Variants in AAGAB observed in about 807,000 individuals in gnomAD.
AAGAB encodes alpha and gamma adaptin binding protein, also known as alpha- and gamma-adaptin-binding protein p34.
A neutral mutation model predicts 44.1 loss-of-function variants in AAGAB; 38 were observed. The observed-to-expected ratio is 0.86, with a 90% CI of 0.67 to 1.13. AAGAB has a LOEUF of 1.13. Ranked by LOEUF, AAGAB falls within the 50% of genes most tolerant of loss-of-function variation. The probability of loss-of-function intolerance (pLI) is 0.00; values close to 1 mark genes in which losing one functional copy is unlikely to be tolerated. For synonymous variants in AAGAB, 131 were observed against 131.8 expected (o/e 0.99, Z 0.04); for missense variants, 450 against 373.8 (o/e 1.20, Z -1.68).
intron 5 of AAGAB, among the ~76,000 whole-genome samples, chr15:67,212,132 T>C (rs1963837667): frequency 1.3e-5 from 2 of 152,136 alleles, no homozygotes; most frequent in African/African-American, 2.4e-5. Flanking sequence ...GCGCCCGCCT[T>C]GGCCTTCCAA....
At chr15:67,216,346 G>A (rs555418584) in intron 5 of AAGAB, among the ~76,000 whole-genome samples, 84 of 147,946 alleles carry the variant, frequency 5.7e-4, no homozygotes, top group Non-Finnish European at 1.1e-3. Flanking sequence ...GGAGGCTGAC[G>A]CAGGAGAACT....
chr15:67,225,234 C>T (rs144192707), intron 5 of AAGAB, among the ~76,000 whole-genome samples: 2 of 152,258 alleles, frequency 1.3e-5, no homozygotes, highest in Non-Finnish European at 2.9e-5. Flanking sequence ...CTCCACTGAG[C>T]CTAACTCATA....
chr15:67,238,305 T>G (rs1231394900), intron 1 of AAGAB, among the ~76,000 whole-genome samples: 2 of 152,222 alleles, frequency 1.3e-5, no homozygotes, highest in African/African-American at 2.4e-5. Context: ...ACTTAATTTC[T>G]ACCCGAAGTC....
chr15:67,252,427 G>A (rs1964891499), intron 1 of AAGAB, among the ~76,000 whole-genome samples: 1 of 152,090 alleles, frequency 6.6e-6, no homozygotes, highest in Admixed American at 6.5e-5. Context: ...TAAATCTGAG[G>A]ATAAGAACTG....
rs376857654 is a variant in AAGAB at position 67,254,627 on chromosome 15, G to A, written c.5C>T (p.Ala2Val). The A allele has an allele frequency of 3.1e-6, 5 of 1,598,616 alleles. No homozygotes were observed. The highest frequency in any genetic ancestry group is 1.7e-5 in the Admixed American group (1 of 57,602). M[A>V]AGVPCALVTS... Reference sequence around the variant, plus strand: ...GACTAACGCACAGGGTACGCCAGCAGCCATAGCTGCGCTCGCGAGCCGGTT... The same window carrying A: ...GACTAACGCACAGGGTACGCCAGCAACCATAGCTGCGCTCGCGAGCCGGTT... The change falls in exon 1 of 10, where the codon GCT becomes GTT. Residue 2 changes from alanine (A) to valine (V), a missense_variant. By Grantham distance (64) the Ala-to-Val change is moderately conservative. Transcript: ENST00000261880.
intron 5 of AAGAB, among the ~76,000 whole-genome samples, chr15:67,228,526 G>A (rs1485708128): frequency 2.0e-5 from 3 of 152,158 alleles, no homozygotes; most frequent in African/African-American, 7.2e-5. Flanking sequence ...ACTGCTGGTG[G>A]GACTGTAAAT....
upstream of AAGAB, chr15:67,254,757 G>GC: frequency 2.3e-6 from 3 of 1,321,556 alleles, no homozygotes; most frequent in Non-Finnish European, 3.2e-6. Context: ...GCCTGACCCC[G>GC]CCCCTAGACC....
chr15:67,230,582 C>A (rs1964312081), intron 5 of AAGAB, among the ~76,000 whole-genome samples: 1 of 152,168 alleles, frequency 6.6e-6, no homozygotes, highest in African/African-American at 2.4e-5. Flanking sequence ...GGGACCATGG[C>A]CCTGCCAACA....
intron 1 of AAGAB, among the ~76,000 whole-genome samples, chr15:67,240,985 A>T (rs1472348008): frequency 6.6e-6 from 1 of 151,870 alleles, no homozygotes; most frequent in Non-Finnish European, 1.5e-5. Flanking sequence ...CATGAATTAG[A>T]AGGCAACATG....
chr15:67,242,709 A>G (rs957987679), intron 1 of AAGAB: 3 of 152,246 alleles, frequency 2.0e-5, no homozygotes, highest in African/African-American at 7.2e-5. Flanking sequence ...CAGGAAACTC[A>G]TATCTGAGAT....
At chr15:67,250,843 A>G (rs1444768823) in intron 1 of AAGAB, among the ~76,000 whole-genome samples, 1 of 152,062 alleles carries the variant, frequency 6.6e-6, no homozygotes, top group East Asian at 1.9e-4. Flanking sequence ...TGGCTAACAC[A>G]GTGAAACCCC....
At chr15:67,250,349 G>T (rs908968474) in intron 1 of AAGAB, among the ~76,000 whole-genome samples, 35 of 152,010 alleles carry the variant, frequency 2.3e-4, no homozygotes, top group African/African-American at 8.2e-4. Flanking sequence ...GCTAATTTTT[G>T]AATTTTTAGT....
chr15:67,217,550 T>C (rs1963978934), intron 5 of AAGAB, among the ~76,000 whole-genome samples: 1 of 152,188 alleles, frequency 6.6e-6, no homozygotes, highest in Non-Finnish European at 1.5e-5. Flanking sequence ...TCTTTTTTTA[T>C]TTTTTTGAAA....
intron 8 of AAGAB, 49 bp downstream of exon 8, chr15:67,203,995 C>T (rs748943571): frequency 8.6e-7 from 1 of 1,169,098 alleles, no homozygotes; most frequent in Non-Finnish European, 1.3e-6. Context: ...CTACGTAAAA[C>T]AGACAAGCAT....
chr15:67,233,329 G>A (rs1964386080), intron 4 of AAGAB, among the ~76,000 whole-genome samples: 1 of 152,180 alleles, frequency 6.6e-6, no homozygotes, highest in East Asian at 1.9e-4. Context: ...CCTGCTTCTG[G>A]AATTTGACTG....
At chr15:67,229,880 C>T (rs1368950133) in intron 5 of AAGAB, among the ~76,000 whole-genome samples, 5 of 152,062 alleles carry the variant, frequency 3.3e-5, no homozygotes, top group Non-Finnish European at 7.4e-5. Context: ...TGGAGTCTTG[C>T]TCTGTCGCCA....
intron 7 of AAGAB, among the ~76,000 whole-genome samples, chr15:67,207,245 T>A (rs536778150): frequency 6.6e-6 from 1 of 152,234 alleles, no homozygotes; most frequent in African/African-American, 2.4e-5. Flanking sequence ...GAAAGCAAGA[T>A]CTGAGTGCTA....
chr15:67,221,333 G>GT (rs1172755513), intron 5 of AAGAB: 35 of 152,192 alleles, frequency 2.3e-4, no homozygotes, highest in Admixed American at 2.3e-3. Flanking sequence ...TCCTTTCCTT[G>GT]TTTAAGTGCT....
intron 5 of AAGAB, among the ~76,000 whole-genome samples, chr15:67,227,454 A>G (rs942959538): frequency 2.6e-5 from 4 of 152,342 alleles, no homozygotes; most frequent in African/African-American, 9.6e-5. Context: ...CATATTTTAA[A>G]TGGTAAATCT....
Sources: allele counts gnomAD v4.1 joint callset (sites outside exome capture counted in the v4.1 genomes callset), GRCh38; gene constraint gnomAD v4.1.1; transcripts MANE v1.5; gene names NCBI Gene and HGNC (gene_info 2026-07-23, HGNC 2026-07-21).